The following SPTAN1 variants were observed in gnomAD, a reference collection of about 807,000 sequenced individuals.
SPTAN1 encodes the protein spectrin alpha, non-erythrocytic 1, also known as spectrin alpha chain, non-erythrocytic 1.
Under a neutral mutation model 331.3 loss-of-function variants are expected in SPTAN1, and 61 were observed. That is an observed-to-expected ratio of 0.18 (90% CI 0.15 to 0.23). The LOEUF is 0.23. Ranked by LOEUF, SPTAN1 falls within the 10% of genes least tolerant of loss-of-function variation. The probability of loss-of-function intolerance (pLI) is 1.00; values close to 1 mark genes in which losing one functional copy is unlikely to be tolerated. For synonymous variants in SPTAN1, 1,153 were observed against 1,173.9 expected, an observed-to-expected ratio of 0.98 and a Z score of 0.36; for missense variants, 2,043 against 3,147.9, an observed-to-expected ratio of 0.65 and a Z score of 8.40.
chr9:128,574,872 CCT>C, intron 4 of SPTAN1, 57 bp downstream of exon 4: 4 of 1,611,840 alleles, frequency 2.5e-6, no homozygotes, highest in Non-Finnish European at 3.4e-6. Flanking sequence ...GGAAGAGACT[CCT>C]CTGTGATCTG....
chr9:128,554,808 A>G (rs1156267023), intron 1 of SPTAN1, among the ~76,000 whole-genome samples: 1 of 152,226 alleles, frequency 6.6e-6, no homozygotes, highest in East Asian at 1.9e-4. Context: ...TGTGCTGCAA[A>G]CCATCACCTC....
intron 24 of SPTAN1, among the ~76,000 whole-genome samples, chr9:128,595,665 C>T (rs1166090604): frequency 6.6e-6 from 1 of 152,042 alleles, no homozygotes; most frequent in Non-Finnish European, 1.5e-5. Context: ...ACATTTGTGT[C>T]ACTTCAGAAG....
chr9:128,594,454 A>ATTT, intron 24 of SPTAN1, 81 bp downstream of exon 24: 1 of 560,394 alleles, frequency 1.8e-6, no homozygotes, highest in Non-Finnish European at 2.9e-6. Context: ...TTTTTTTGAG[A>ATTT]TGGATTCTCA....
chr9:128,595,156 C>T (rs1193878608), intron 24 of SPTAN1, among the ~76,000 whole-genome samples: 1 of 152,056 alleles, frequency 6.6e-6, no homozygotes, highest in East Asian at 1.9e-4. Flanking sequence ...ATCACCCAGG[C>T]TAGAGTACAG....
chr9:128,558,974 T>C (rs762972879), intron 1 of SPTAN1, among the ~76,000 whole-genome samples: 2 of 152,014 alleles, frequency 1.3e-5, no homozygotes, highest in African/African-American at 4.8e-5. Context: ...GACAGCTCCC[T>C]GTCAGGTTAA....
rs769628464 is a variant in SPTAN1 at position 128,617,627 on chromosome 9, ATC to A, written c.5358-8_5358-7del. 1.3e-4 allele frequency: 209 copies of A among 1,614,114 alleles called. 2 individuals are homozygous for A. Among genetic ancestry groups the A allele is most frequent in the South Asian group, 5.9e-4 (54 of 91,084 alleles). ...GCAGAGACTGACTGTGCTGTTTCCC[ATC>A]TCTCATTCAGGGAGAAGAAGCTGCT... On this transcript the variant is annotated splice_polypyrimidine_tract_variant and intron_variant, in intron 41 of 56. Transcript: ENST00000372739.
At chr9:128,555,287 C>T in intron 1 of SPTAN1, 1 of 1,126,218 alleles carries the variant, frequency 8.9e-7, no homozygotes, top group Non-Finnish European at 1.2e-6. Flanking sequence ...CTGTTTTCTT[C>T]ATGATTTTGT....
chr9:128,617,960 G>A, intron 42 of SPTAN1, 27 bp from the exon 43 acceptor site: 2 of 1,614,182 alleles, frequency 1.2e-6, no homozygotes, highest in Non-Finnish European at 1.7e-6. Context: ...GCTACCTGCT[G>A]TTAACCTCCT....
intron 26 of SPTAN1, 85 bp downstream of exon 26, chr9:128,599,071 C>A: frequency 7.6e-7 from 1 of 1,323,578 alleles, no homozygotes; most frequent in Non-Finnish European, 1.1e-6. Context: ...ACTTCTTCAT[C>A]AGAATTGCTG....
chr9:128,574,966 C>G, intron 4 of SPTAN1, 151 bp downstream of exon 4: 1 of 1,193,578 alleles, frequency 8.4e-7, no homozygotes, highest in Non-Finnish European at 1.2e-6. Context: ...CAGCTGCTCT[C>G]TAGGTGTATG....
At chr9:128,553,413 C>T (rs1848339848) in intron 1 of SPTAN1, 2 of 152,098 alleles carry the variant, frequency 1.3e-5, no homozygotes. Context: ...AACTTAATAG[C>T]TTAGCGTTCT....
intron 19 of SPTAN1, among the ~76,000 whole-genome samples, chr9:128,587,385 C>T (rs1589228904): frequency 6.6e-6 from 1 of 152,142 alleles, no homozygotes; most frequent in Non-Finnish European, 1.5e-5. Context: ...GTGCCTAGAC[C>T]AGGATGAGTA....
intron 29 of SPTAN1, 71 bp from the exon 30 acceptor site, chr9:128,604,962 AT>A (rs1028838955): frequency 7.7e-5 from 110 of 1,431,846 alleles, no homozygotes; most frequent in South Asian, 1.3e-4. Flanking sequence ...AAATAAATAA[AT>A]TTTTTTTAGT....
rs772294529 is a variant in SPTAN1 at position 128,609,298 on chromosome 9, A to T, written c.4758+14A>T. On this transcript the variant is annotated intron_variant, in intron 36 of 56. Coordinates refer to ENST00000372739, the MANE Select transcript of SPTAN1 (RefSeq NM_001130438.3). ...ACCAACATCCAGGTAAGCTGAAGTG[A>T]CTGGGTGTTGGTCTTGATGTAGCCT... 5.0e-6 allele frequency: 8 copies of T among 1,614,212 alleles called. No individual in the cohort carries two copies.
intron 40 of SPTAN1, 134 bp downstream of exon 40, chr9:128,613,619 T>G: frequency 1.4e-6 from 1 of 733,624 alleles, no homozygotes; most frequent in Non-Finnish European, 2.4e-6. Context: ...GGTTGTGGCC[T>G]CAGGATCATT....
chr9:128,595,052 C>T (rs868549181), intron 24 of SPTAN1, among the ~76,000 whole-genome samples: 2 of 151,572 alleles, frequency 1.3e-5, no homozygotes, highest in South Asian at 4.2e-4. Flanking sequence ...TCAGGTGATC[C>T]GCCTGCCTCA....
chr9:128,582,566 T>A lies in SPTAN1; in HGVS notation c.1650+10T>A. 6.2e-7 allele frequency: 1 copy of A among 1,613,566 alleles called. No homozygotes were observed. The highest frequency in any genetic ancestry group is 8.5e-7 in the Non-Finnish European group (1 of 1,180,000). On this transcript the variant is annotated intron_variant, in intron 13 of 56. Coordinates refer to ENST00000372739, the MANE Select transcript of SPTAN1 (RefSeq NM_001130438.3). ...CACTCGCCGAGATGCTGTAAGTTTG[T>A]AGGTTCTTCATGCTCCTCCTTTTTG...
chr9:128,592,128 G>A (rs1853620096), intron 22 of SPTAN1, among the ~76,000 whole-genome samples: 1 of 152,136 alleles, frequency 6.6e-6, no homozygotes. Flanking sequence ...GGACACTTGG[G>A]AAATATCCAG....
At chr9:128,556,794 T>C (rs879461112) in intron 1 of SPTAN1, among the ~76,000 whole-genome samples, 30 of 152,350 alleles carry the variant, frequency 2.0e-4, no homozygotes, top group Admixed American at 1.9e-3. Flanking sequence ...TCATCCTTTA[T>C]GTATTATTGA....
Sources: gnomAD v4.1 joint callset for allele counts (sites outside exome capture counted in the v4.1 genomes callset) on GRCh38, gnomAD v4.1.1 for gene constraint, MANE v1.5 for transcripts, NCBI Gene and HGNC (gene_info 2026-07-23, HGNC 2026-07-21) for gene names.